The following EPHA5 variants were observed in gnomAD, a reference collection of about 807,000 sequenced individuals.
The protein encoded by EPHA5 is EPH receptor A5.
Under a neutral mutation model 105.0 loss-of-function variants are expected in EPHA5, and 60 were observed. That is an observed-to-expected ratio of 0.57 (90% confidence interval 0.46 to 0.71). The LOEUF (loss-of-function observed/expected upper bound fraction) is 0.71, where lower values mean the gene tolerates loss of function less well. Ranked by LOEUF, EPHA5 falls within the 30% of genes least tolerant of loss-of-function variation. The pLI is 0.00. For missense variants in EPHA5, 1,218 were observed against 1,274.7 expected (o/e 0.96, Z 0.68); for synonymous variants, 513 against 449.1 (o/e 1.14, Z -1.80).
At chr4:65,349,599 T>C (rs1276443415) in intron 13 of EPHA5, among the ~76,000 whole-genome samples, 1 of 152,064 alleles carries the variant, frequency 6.6e-6, no homozygotes, top group African/African-American at 2.4e-5. Context: ...GGACTTAAAT[T>C]GCTGTTTATG....
At chr4:65,610,249 G>A (rs893547974) in intron 2 of EPHA5, among the ~76,000 whole-genome samples, 2 of 152,058 alleles carry the variant, frequency 1.3e-5, no homozygotes, top group Admixed American at 6.6e-5. Flanking sequence ...TGCAGTTGGA[G>A]GCCATCATCC....
At chr4:65,432,307 T>C (rs1725051905) in intron 5 of EPHA5, among the ~76,000 whole-genome samples, 2 of 152,272 alleles carry the variant, frequency 1.3e-5, no homozygotes, top group African/African-American at 2.4e-5. Flanking sequence ...TGCTATAATG[T>C]AATGTTTGCA....
chr4:65,450,753 AT>A (rs1483222821), intron 5 of EPHA5, among the ~76,000 whole-genome samples: 37 of 152,270 alleles, frequency 2.4e-4, no homozygotes, highest in African/African-American at 8.9e-4. Context: ...TGACTTTCCC[AT>A]TTAATCTCCC....
At chr4:65,384,247 T>A (rs1020998346) in intron 8 of EPHA5, among the ~76,000 whole-genome samples, 4 of 151,944 alleles carry the variant, frequency 2.6e-5, no homozygotes, top group Admixed American at 6.6e-5. Context: ...AAGGTGTAGT[T>A]CAAATCTACC....
intron 8 of EPHA5, among the ~76,000 whole-genome samples, chr4:65,394,321 A>T (rs1342839151): frequency 2.0e-5 from 3 of 152,190 alleles, no homozygotes; most frequent in African/African-American, 7.2e-5. Flanking sequence ...TCAAAAGTTG[A>T]ATAATCACAA....
chr4:65,498,126 G>A (rs1308071608), intron 3 of EPHA5, among the ~76,000 whole-genome samples: 1 of 151,942 alleles, frequency 6.6e-6, no homozygotes, highest in Non-Finnish European at 1.5e-5. Context: ...GTACCTTAAA[G>A]GGAGAAATCC....
At chr4:65,386,953 TA>T (rs963300987) in intron 8 of EPHA5, among the ~76,000 whole-genome samples, 49 of 144,706 alleles carry the variant, frequency 3.4e-4, no homozygotes, top group East Asian at 1.0e-3. Flanking sequence ...ACCTGCAATA[TA>T]AAAAAAAAAG....
At position 65,670,147 on chromosome 4, in the gene EPHA5, G is replaced by A. The variant is rs7678077; in HGVS notation, c.-405C>T. On this transcript the variant is annotated 5_prime_UTR_variant, in exon 1 of 17. Transcript: ENST00000613740. ...GTTGAAATGGACGAAGGTAAGGAAG[G>A]CAAATCATTTTAAGACGAAATCTCC... 0.98 allele frequency: 254,597 copies of A among 258,606 alleles called. 125,451 individuals are homozygous for A. The highest frequency in any genetic ancestry group is 1 in the East Asian group (17,356 of 17,356). The allele number at this position is 258,606 out of a possible 1,614,324, so 16.0% of individuals were successfully genotyped here.
At chr4:65,348,815 ATTTT>A (rs10633855) in intron 13 of EPHA5, among the ~76,000 whole-genome samples, 2 of 64,110 alleles carry the variant, frequency 3.1e-5, no homozygotes, top group Admixed American at 3.0e-4. Context: ...ATATATATAT[ATTTT>A]TTTTTTTTTT....
At chr4:65,635,117 T>A (rs771723395) in intron 2 of EPHA5, among the ~76,000 whole-genome samples, 6 of 150,858 alleles carry the variant, frequency 4.0e-5, no homozygotes, top group Admixed American at 2.0e-4. Context: ...AAAACCTGAG[T>A]TATTTCCAGC....
At chr4:65,427,544 A>C (rs559828577) in intron 5 of EPHA5, among the ~76,000 whole-genome samples, 1 of 152,312 alleles carries the variant, frequency 6.6e-6, no homozygotes, top group Non-Finnish European at 1.5e-5. Context: ...GAAATGATGA[A>C]AGACAAAGTA....
intron 3 of EPHA5, chr4:65,573,554 C>T (rs1740456069): frequency 1.3e-6 from 2 of 1,598,102 alleles, no homozygotes; most frequent in African/African-American, 1.3e-5. Flanking sequence ...AGGGTAACCT[C>T]AAAGCTAAAA....
At chr4:65,354,746 A>C (rs896157629) in intron 11 of EPHA5, among the ~76,000 whole-genome samples, 2 of 151,740 alleles carry the variant, frequency 1.3e-5, no homozygotes, top group African/African-American at 4.8e-5. Flanking sequence ...TATAGAACAT[A>C]TGATTAATAC....
intron 3 of EPHA5, among the ~76,000 whole-genome samples, chr4:65,553,583 G>T (rs1424359421): frequency 6.6e-6 from 1 of 151,896 alleles, no homozygotes; most frequent in East Asian, 1.9e-4. Flanking sequence ...TTCATGCCTC[G>T]AGTCAAATAT....
At position 65,351,497 on chromosome 4, in the gene EPHA5, A is replaced by T. The variant is rs1309668588; in HGVS notation, c.2337T>A (p.Asp779Glu). 1.2e-6 allele frequency: 2 copies of T among 1,613,696 alleles called. No homozygotes were observed. Among genetic ancestry groups the T allele is most frequent in the South Asian group, 1.1e-5 (1 of 91,082 alleles). Residue 779 changes from aspartate to glutamate, a missense_variant, in exon 13 of 17, where the codon GAT (aspartate) becomes GAA (glutamate). By Grantham distance (45) the Asp-to-Glu change is conservative. Transcript: ENST00000613740. ...YLSDMGYVHR[D>E]LAARNILINS... ...TGATTAAGATGTTTCTGGCAGCAAGATCTCTATGCACATAGCCCATGTCAG... is the reference window on the plus strand; with the variant it reads ...TGATTAAGATGTTTCTGGCAGCAAGTTCTCTATGCACATAGCCCATGTCAG...
intron 2 of EPHA5, among the ~76,000 whole-genome samples, chr4:65,630,515 T>G (rs1274045818): frequency 6.6e-6 from 1 of 152,150 alleles, no homozygotes; most frequent in African/African-American, 2.4e-5. Flanking sequence ...ACATATAAAA[T>G]GCCAAGTCAA....
intron 2 of EPHA5, among the ~76,000 whole-genome samples, chr4:65,605,771 C>T (rs1744172534): frequency 6.6e-6 from 1 of 152,018 alleles, no homozygotes; most frequent in Admixed American, 6.6e-5. Context: ...AAGCCCGAAG[C>T]TCTAGTTTTA....
chr4:65,647,211 C>T (rs1038498139), intron 1 of EPHA5, among the ~76,000 whole-genome samples: 4 of 151,154 alleles, frequency 2.6e-5, no homozygotes, highest in Non-Finnish European at 2.9e-5. Context: ...TGCCTGTTGT[C>T]CCAGCTACTC....
intron 3 of EPHA5, among the ~76,000 whole-genome samples, chr4:65,581,294 A>C (rs1015583777): frequency 6.6e-6 from 1 of 151,812 alleles, no homozygotes; most frequent in Non-Finnish European, 1.5e-5. Context: ...CGTATACATG[A>C]AGTATGTATA....
Sources: gnomAD v4.1 joint callset for allele counts (sites outside exome capture counted in the v4.1 genomes callset) on GRCh38, gnomAD v4.1.1 for gene constraint, MANE v1.5 for transcripts, NCBI Gene and HGNC (gene_info 2026-07-23, HGNC 2026-07-21) for gene names.